RPS6KA2: variants seen among roughly 807,000 people sequenced by gnomAD.
The protein encoded by RPS6KA2 is ribosomal protein S6 kinase A2, also known as ribosomal protein S6 kinase alpha-2.
In RPS6KA2, 42 loss-of-function variants were observed where a neutral mutation model predicts 91.8. The observed-to-expected ratio is 0.46, with a 90% confidence interval of 0.36 to 0.59. RPS6KA2 has a LOEUF of 0.59. RPS6KA2 is among the 20% of genes least tolerant of loss of function. The pLI is 0.00. For missense variants in RPS6KA2, 798 were observed against 978.5 expected, an observed-to-expected ratio of 0.82 and a Z score of 2.46; for synonymous variants, 414 against 393.6, an observed-to-expected ratio of 1.05 and a Z score of -0.61.
intron 2 of RPS6KA2, among the ~76,000 whole-genome samples, chr6:166,779,862 T>C (rs6905072): frequency 0.2 from 31,059 of 152,074 alleles, 3,811 homozygotes; most frequent in African/African-American, 0.34. Flanking sequence ...GGAAAAGGAC[T>C]CACCAAGTCC....
chr6:166,606,673 A>G (rs1219701383), intron 1 of RPS6KA2, among the ~76,000 whole-genome samples: 1 of 152,252 alleles, frequency 6.6e-6, no homozygotes, highest in Non-Finnish European at 1.5e-5. Context: ...ATTTTTAAAA[A>G]TGGGCTAGTG....
At chr6:166,537,335 G>A (rs1052627903) in intron 2 of RPS6KA2, among the ~76,000 whole-genome samples, 4 of 152,244 alleles carry the variant, frequency 2.6e-5, no homozygotes, top group Non-Finnish European at 4.4e-5. Context: ...CTAATTAATA[G>A]TGAGGCATTC....
chr6:166,512,072 G>A (rs949126345), intron 3 of RPS6KA2, among the ~76,000 whole-genome samples: 6 of 152,112 alleles, frequency 3.9e-5, no homozygotes, highest in African/African-American at 1.4e-4. Context: ...TGAACAAAAT[G>A]TGATGCTGTA....
chr6:166,786,037 T>G (rs1472986827), intron 2 of RPS6KA2, among the ~76,000 whole-genome samples: 1 of 152,196 alleles, frequency 6.6e-6, no homozygotes, highest in Non-Finnish European at 1.5e-5. Flanking sequence ...ACCATACAAT[T>G]CAGATATCCT....
chr6:166,656,287 G>C (rs943791256), intron 2 of RPS6KA2, among the ~76,000 whole-genome samples: 2 of 152,214 alleles, frequency 1.3e-5, no homozygotes, highest in African/African-American at 4.8e-5. Context: ...GGAGGGAGGG[G>C]AGAGGCAGGG....
chr6:166,582,765 G>A (rs1052116332), intron 1 of RPS6KA2, among the ~76,000 whole-genome samples: 8 of 152,040 alleles, frequency 5.3e-5, no homozygotes, highest in Non-Finnish European at 1.2e-4. Context: ...CTTCTTTTAG[G>A]GGTTCTTATG....
rs1455165821 is a variant in RPS6KA2, at chr6:166,412,888, C to T, written c.2077-1G>A. On this transcript the variant is annotated splice_acceptor_variant, in intron 20 of 20. Coordinates refer to ENST00000265678, the MANE Select transcript of RPS6KA2 (RefSeq NM_021135.6). LOFTEE classifies it high-confidence loss of function. This position sits in a 1 kb window ranked among gnomAD's most constrained non-coding sequence, Gnocchi z 4.3. ...CAAAGTAGGTGGCGGCCATCGCGCC[C>T]TGCAAAACAGAAGACAAGGGTGAGA... The T allele has an allele frequency of 6.4e-7, 1 of 1,551,702 alleles. No homozygotes were observed. The highest frequency in any genetic ancestry group is 2.0e-5 in the Admixed American group (1 of 50,998).
At chr6:166,551,631 T>C (rs529957642) in intron 1 of RPS6KA2, among the ~76,000 whole-genome samples, 5 of 152,236 alleles carry the variant, frequency 3.3e-5, no homozygotes, top group Non-Finnish European at 7.3e-5. Flanking sequence ...GCCATCCTTC[T>C]TTCTTTTCTT....
intron 2 of RPS6KA2, among the ~76,000 whole-genome samples, chr6:166,827,256 CAAAAAAAAAAAAAAAAA>C (rs56296433): frequency 5.3e-5 from 5 of 94,478 alleles, no homozygotes; most frequent in East Asian, 3.1e-4. Flanking sequence ...CAACCTTATA[CAAAAAAAAAAAAAAAAA>C]AAAAAAAAAA....
chr6:166,677,825 G>T (rs1370291761), intron 2 of RPS6KA2, among the ~76,000 whole-genome samples: 1 of 152,176 alleles, frequency 6.6e-6, no homozygotes, highest in African/African-American at 2.4e-5. Context: ...GACTGGCCTG[G>T]TCTGGTAATT....
At position 166,732,650 on chromosome 6, in the gene RPS6KA2, G is replaced by A. The variant is rs1021550935; in HGVS notation, c.123+125550C>T. 2.6e-5 allele frequency among the ~76,000 whole-genome samples: 4 copies of A among 152,232 alleles called. No homozygotes were observed. In the East Asian group the frequency reaches 5.8e-4, roughly 22 times the overall value. On this transcript the variant is annotated intron_variant, in intron 2 of 21. Coordinates refer to the RPS6KA2 transcript ENST00000503859. This position sits in a 1 kb window ranked among gnomAD's most constrained non-coding sequence, Gnocchi z 4.0. The stretch of plus-strand genomic sequence containing the variant: ...CAAAGAAAGGAGCCGCCTTTGCAGG[G>A]ATTGCTGTCTAGGGGATGGAAGCGC...
chr6:166,741,516 G>A (rs1002153842), intron 2 of RPS6KA2, among the ~76,000 whole-genome samples: 25 of 152,212 alleles, frequency 1.6e-4, no homozygotes, highest in African/African-American at 5.8e-4. Context: ...TATTAAACCG[G>A]CACTCAAGTG....
chr6:166,803,370 A>G (rs16899499), intron 2 of RPS6KA2, among the ~76,000 whole-genome samples: 1,898 of 152,342 alleles, frequency 0.012, 44 homozygotes, highest in African/African-American at 0.043. Context: ...CTGAGCTGAT[A>G]CGCTAATAAC....
chr6:166,684,465 C>T (rs934990627), intron 2 of RPS6KA2, among the ~76,000 whole-genome samples: 3 of 152,212 alleles, frequency 2.0e-5, no homozygotes, highest in Admixed American at 2.0e-4. Context: ...ACTGCTGCTT[C>T]AACACAGCTG....
intron 3 of RPS6KA2, among the ~76,000 whole-genome samples, chr6:166,516,259 T>G (rs1170737304): frequency 1.3e-5 from 2 of 152,162 alleles, no homozygotes; most frequent in Non-Finnish European, 2.9e-5. Context: ...ACCAAAGAGT[T>G]TCAGGGAGTT....
intron 10 of RPS6KA2, among the ~76,000 whole-genome samples, chr6:166,477,233 A>G (rs1477484176): frequency 1.3e-5 from 2 of 152,122 alleles, no homozygotes; most frequent in African/African-American, 4.8e-5. Flanking sequence ...GGGAGGGTCC[A>G]CAGCTCCTCG....
intron 2 of RPS6KA2, among the ~76,000 whole-genome samples, chr6:166,708,427 C>T (rs1230772611): frequency 6.6e-6 from 1 of 152,178 alleles, no homozygotes; most frequent in Non-Finnish European, 1.5e-5. Context: ...CTGGACTTGA[C>T]ACAGAAAAAT....
At chr6:166,548,954 T>C (rs1783912572) in intron 1 of RPS6KA2, among the ~76,000 whole-genome samples, 1 of 152,218 alleles carries the variant, frequency 6.6e-6, no homozygotes, top group African/African-American at 2.4e-5. Context: ...TCTGCATCCA[T>C]AATGTATAAG....
intron 2 of RPS6KA2, among the ~76,000 whole-genome samples, chr6:166,685,371 G>C (rs1289550853): frequency 6.6e-6 from 1 of 151,462 alleles, no homozygotes; most frequent in Non-Finnish European, 1.5e-5. Context: ...TGCAGGCTGG[G>C]AGGACAGAGG....
Sources: gnomAD v4.1 joint callset for allele counts (sites outside exome capture counted in the v4.1 genomes callset) on GRCh38, gnomAD v4.1.1 for gene constraint, Gnocchi (gnomAD v3.1) non-coding constraint, MANE v1.5 for transcripts, NCBI Gene and HGNC (gene_info 2026-07-23, HGNC 2026-07-21) for gene names.